ANKS1B: variants seen among roughly 807,000 people sequenced by gnomAD.
ANKS1B encodes ankyrin repeat and sterile alpha motif domain-containing protein 1B.
In ANKS1B, 36 loss-of-function variants were observed where a neutral mutation model predicts 148.3. The observed-to-expected ratio is 0.24, with a 90% confidence interval of 0.19 to 0.32. The LOEUF is 0.32. Ranked by LOEUF, ANKS1B falls within the 10% of genes least tolerant of loss-of-function variation. The probability of loss-of-function intolerance (pLI) is 1.00; values close to 1 mark genes in which losing one functional copy is unlikely to be tolerated. For missense variants in ANKS1B, 1,157 were observed against 1,542.6 expected (o/e 0.75, Z 4.19); for synonymous variants, 542 against 560.8 (o/e 0.97, Z 0.47).
At chr12:99,741,428 A>G (rs1312407644) in intron 8 of ANKS1B, among the ~76,000 whole-genome samples, 3 of 152,170 alleles carry the variant, frequency 2.0e-5, no homozygotes, top group Non-Finnish European at 4.4e-5. Context: ...TCATGCTACT[A>G]TAAAGACACA....
At chr12:99,065,613 TCCATCCATCCATCCATCCATCCATC>T (rs1565854848) in intron 16 of ANKS1B, among the ~76,000 whole-genome samples, 1 of 135,382 alleles carries the variant, frequency 7.4e-6, no homozygotes, top group African/African-American at 2.7e-5. Flanking sequence ...CATCCATCCA[TCCATCCATCCATCCATCCATCCATC>T]CCATCCATCC....
At chr12:99,597,408 A>G (rs1365788814) in intron 9 of ANKS1B, among the ~76,000 whole-genome samples, 1 of 152,010 alleles carries the variant, frequency 6.6e-6, no homozygotes, top group Non-Finnish European at 1.5e-5. Context: ...GATTAAACAA[A>G]GCCCAACATT....
At chr12:99,409,683 G>A (rs1035765812) in intron 11 of ANKS1B, among the ~76,000 whole-genome samples, 2 of 151,976 alleles carry the variant, frequency 1.3e-5, no homozygotes, top group Admixed American at 6.6e-5. Context: ...AGATATCTAT[G>A]TGGAGAAATG....
chr12:98,805,026 T>C (rs564238741), intron 20 of ANKS1B, among the ~76,000 whole-genome samples: 71 of 152,314 alleles, frequency 4.7e-4, no homozygotes, highest in Middle Eastern at 3.4e-3. Context: ...CAAAATGAAG[T>C]AGGAAAAGTT....
chr12:99,571,250 C>T (rs555135027), intron 9 of ANKS1B, among the ~76,000 whole-genome samples: 35 of 152,144 alleles, frequency 2.3e-4, no homozygotes, highest in African/African-American at 7.5e-4. Context: ...TCCTCCACAA[C>T]CCTTAAAGAA....
chr12:99,468,912 C>T (rs930699334), intron 10 of ANKS1B, among the ~76,000 whole-genome samples: 6 of 152,076 alleles, frequency 3.9e-5, no homozygotes, highest in African/African-American at 1.4e-4. Flanking sequence ...ACTAGAAATA[C>T]CATTTGACCC....
rs1033389430 is a variant in ANKS1B, at chr12:99,354,308, T to C, written c.1756+45323A>G. 3.3e-5 allele frequency among the ~76,000 whole-genome samples: 5 copies of C among 152,110 alleles called. No homozygotes were observed. The South Asian group carries it at 8.3e-4, about 25-fold the overall frequency. Reference sequence around the variant, plus strand: ...GTTCTACTCCACATACTCTGTAGAGTAAAGCCTAGAAAACATATGAAAATG... The same window carrying C: ...GTTCTACTCCACATACTCTGTAGAGCAAAGCCTAGAAAACATATGAAAATG... On this transcript the variant is annotated intron_variant, in intron 12 of 26. Transcript: ENST00000683438.
chr12:99,214,273 A>G (rs1455634983), intron 14 of ANKS1B, among the ~76,000 whole-genome samples: 4 of 152,220 alleles, frequency 2.6e-5, no homozygotes, highest in African/African-American at 9.6e-5. Context: ...ATACTTTTAC[A>G]TCAGATTGGC....
At chr12:99,849,394 G>A (rs1002137665) in intron 1 of ANKS1B, among the ~76,000 whole-genome samples, 5 of 152,074 alleles carry the variant, frequency 3.3e-5, no homozygotes, top group African/African-American at 9.7e-5. Flanking sequence ...ATCAAAGACA[G>A]ATGAAACCAA....
intron 23 of ANKS1B, 95 bp downstream of exon 23, chr12:98,782,031 C>T: frequency 9.3e-7 from 1 of 1,076,726 alleles, no homozygotes. Context: ...TCCTGTTTAG[C>T]TTTATCATTC....
At chr12:98,815,892 C>T (rs777815565) in intron 19 of ANKS1B, among the ~76,000 whole-genome samples, 5 of 152,182 alleles carry the variant, frequency 3.3e-5, no homozygotes, top group Admixed American at 3.3e-4. Flanking sequence ...CTTCTCAGTA[C>T]TACAGCCAAA....
At chr12:98,791,142 C>T (rs1317453098) in intron 22 of ANKS1B, among the ~76,000 whole-genome samples, 3 of 152,010 alleles carry the variant, frequency 2.0e-5, no homozygotes, top group African/African-American at 4.8e-5. Context: ...GTCAGGAGTT[C>T]GAGACCAGCC....
intron 17 of ANKS1B, among the ~76,000 whole-genome samples, chr12:99,003,975 G>A (rs1467893749): frequency 6.6e-6 from 1 of 152,226 alleles, no homozygotes; most frequent in African/African-American, 2.4e-5. Context: ...CAGAAAGCTG[G>A]CGAAGGATTC....
At chr12:99,413,459 G>C (rs188583423) in intron 11 of ANKS1B, among the ~76,000 whole-genome samples, 147 of 152,116 alleles carry the variant, frequency 9.7e-4, no homozygotes, top group Middle Eastern at 3.4e-3. Context: ...TTATATCAAC[G>C]CACAATTTTC....
chr12:98,836,682 A>C (rs2153709329), intron 17 of ANKS1B, among the ~76,000 whole-genome samples: 1 of 152,340 alleles, frequency 6.6e-6, no homozygotes, highest in Non-Finnish European at 1.5e-5. Context: ...TTAGTTTTCA[A>C]GAACACCAAA....
intron 19 of ANKS1B, among the ~76,000 whole-genome samples, chr12:98,819,721 C>T (rs1351232829): frequency 6.6e-6 from 1 of 152,164 alleles, no homozygotes; most frequent in Non-Finnish European, 1.5e-5. Flanking sequence ...CCCTTCTCAT[C>T]TTAAAATTCT....
chr12:99,874,609 T>C (rs1457618678), intron 1 of ANKS1B, among the ~76,000 whole-genome samples: 1 of 152,170 alleles, frequency 6.6e-6, no homozygotes, highest in African/African-American at 2.4e-5. Flanking sequence ...TCTGACATCA[T>C]CAACTATAAA....
intron 17 of ANKS1B, among the ~76,000 whole-genome samples, chr12:98,984,758 C>T (rs1013693758): frequency 2.0e-5 from 3 of 152,042 alleles, no homozygotes; most frequent in African/African-American, 7.2e-5. Context: ...GCCTGTAATA[C>T]CAGCACTTTA....
intron 8 of ANKS1B, among the ~76,000 whole-genome samples, chr12:99,685,747 C>CATAT (rs149096040): frequency 7.7e-4 from 116 of 150,482 alleles, no homozygotes; most frequent in Middle Eastern, 3.4e-3. Flanking sequence ...TGTGTGTATA[C>CATAT]ATATATATAT....
Sources: gnomAD v4.1 joint callset for allele counts (sites outside exome capture counted in the v4.1 genomes callset) on GRCh38, gnomAD v4.1.1 for gene constraint, MANE v1.5 for transcripts, NCBI Gene and HGNC (gene_info 2026-07-23, HGNC 2026-07-21) for gene names.